Variants in SDF2L1 observed in about 807,000 individuals in gnomAD.
SDF2L1 encodes the protein stromal cell derived factor 2 like 1.
In SDF2L1, 18 loss-of-function variants were observed where a neutral mutation model predicts 19.4. The ratio of observed to expected loss-of-function variants is 0.93; its 90% CI spans 0.64 to 1.38. The LOEUF is 1.38. Among genes scored for constraint, SDF2L1 ranks in the 40% most tolerant of loss-of-function variants. SDF2L1 has a pLI of 0.00. For synonymous variants in SDF2L1, 161 were observed against 148.9 expected, an observed-to-expected ratio of 1.08 and a Z score of -0.59; for missense variants, 263 against 319.4, an observed-to-expected ratio of 0.82 and a Z score of 1.35.
chr22:21,642,560 C>G (rs1397176352), intron 1 of SDF2L1, 37 bp downstream of exon 1: 4 of 1,503,902 alleles, frequency 2.7e-6, no homozygotes, highest in Non-Finnish European at 3.5e-6. Flanking sequence ...CGCGGGGAAC[C>G]GGGGCTCGGG....
intron 2 of SDF2L1, 126 bp downstream of exon 2, chr22:21,643,184 C>T: frequency 1.7e-6 from 2 of 1,201,202 alleles, no homozygotes; most frequent in Non-Finnish European, 2.3e-6. Flanking sequence ...GAGATGGTTA[C>T]TGAGCGCCCC....
chr22:21,643,974 G>A lies in SDF2L1; in HGVS notation c.465G>A (p.Glu155=), dbSNP rs531855558. Residue 155 remains glutamate (E), a synonymous_variant, in exon 3 of 3, where the codon GAG becomes GAA. Transcript: ENST00000248958. ...TGCGCTGCTCTGGACAGCACTGGGA[G>A]CGTGAGGCTGCTGTGCGCTTCCAGC... ...WTVRCSGQHW[E]REAAVRFQHV... 8 of 1,614,076 alleles carry A rather than the reference G, an allele frequency of 5.0e-6. No individual in the cohort carries two copies. The highest frequency in any genetic ancestry group is 6.8e-6 in the Non-Finnish European group (8 of 1,180,038).
At chr22:21,642,787 G>A (rs1263100338) in intron 1 of SDF2L1, 75 bp from the exon 2 acceptor site, 4 of 1,513,928 alleles carry the variant, frequency 2.6e-6, no homozygotes, top group Middle Eastern at 2.4e-4. Context: ...CCTGGGACAT[G>A]TTCTGGTCCC....
chr22:21,643,647 G>A (rs555913650), intron 2 of SDF2L1, among the ~76,000 whole-genome samples: 151 of 152,284 alleles, frequency 9.9e-4, no homozygotes, highest in Middle Eastern at 6.8e-3. Context: ...ATGTGGAGGA[G>A]GAGGCCTTAG....
intron 2 of SDF2L1, chr22:21,643,359 AT>A (rs1569001698): frequency 1.8e-6 from 1 of 542,586 alleles, no homozygotes; most frequent in Non-Finnish European, 3.3e-6. Context: ...AGGGTGGGGA[AT>A]AGGAAACTCC....
chr22:21,642,831 G>A (rs1225215930), intron 1 of SDF2L1, 31 bp from the exon 2 acceptor site: 2 of 1,571,748 alleles, frequency 1.3e-6, no homozygotes, highest in Non-Finnish European at 1.7e-6. Flanking sequence ...GATTGACGGA[G>A]ACCCTGGGTG....
At chr22:21,643,873 T>C in intron 2 of SDF2L1, 21 bp from the exon 3 acceptor site, 1 of 1,603,100 alleles carries the variant, frequency 6.2e-7, no homozygotes, top group Non-Finnish European at 8.5e-7. Flanking sequence ...ACCACTGTCT[T>C]CTCATCCTTT....
At chr22:21,642,649 T>A in intron 1 of SDF2L1, 126 bp downstream of exon 1, 1 of 1,022,398 alleles carries the variant, frequency 9.8e-7, no homozygotes, top group Non-Finnish European at 1.3e-6. Flanking sequence ...CTAGAGTCGT[T>A]GGGAGGTCGA....
intron 1 of SDF2L1, 77 bp from the exon 2 acceptor site, chr22:21,642,785 A>C (rs1481369729): frequency 1.0e-5 from 15 of 1,480,738 alleles, no homozygotes; most frequent in Admixed American, 2.1e-5. Flanking sequence ...CCCCTGGGAC[A>C]TGTTCTGGTC....
In SDF2L1 at chr22:21,643,047, T is replaced by G; in HGVS notation, c.373T>G (p.Ser125Ala). The G allele has an allele frequency of 6.4e-7, 1 of 1,555,132 alleles. No homozygotes were observed. Among genetic ancestry groups the G allele is most frequent in the Non-Finnish European group, 8.7e-7 (1 of 1,150,018 alleles). Residue 125 changes from serine to alanine, a missense_variant, in exon 2 of 3, where the codon TCC becomes GCC. Coordinates refer to ENST00000248958, the MANE Select transcript of SDF2L1 (RefSeq NM_022044.3). ...CACGCACCACTTCCCGTCGCCGCTGTCCAACAACCAGGTGAGCCCCTCCCG... is the reference window on the plus strand; with the variant it reads ...CACGCACCACTTCCCGTCGCCGCTGGCCAACAACCAGGTGAGCCCCTCCCG... ...LHTHHFPSPL[S>A]NNQEVSAFGE...
chr22:21,643,584 T>C (rs1217109693), intron 2 of SDF2L1, among the ~76,000 whole-genome samples: 1 of 152,130 alleles, frequency 6.6e-6, no homozygotes, highest in Non-Finnish European at 1.5e-5. Flanking sequence ...ACTGTTAGCC[T>C]GAGGGGCTGA....
rs1015360031 is a variant in SDF2L1, at chr22:21,642,343, A to G, written c.7A>G (p.Ser3Gly). 78 of 1,375,172 alleles carry G rather than the reference A, an allele frequency of 5.7e-5. No homozygotes were observed. The highest frequency in any genetic ancestry group is 7.1e-5 in the Non-Finnish European group (76 of 1,072,842). 85.2% of individuals were successfully genotyped at this position (1,375,172 alleles called of 1,614,324 possible). A position where few individuals can be genotyped will look rare whatever the true frequency, so the allele number is the denominator to read the frequency against. The change falls in exon 1 of 3, where the codon AGC (serine) becomes GGC (glycine). Residue 3 changes from serine to glycine, a missense_variant. Physicochemically the swap from Ser to Gly is moderately conservative, Grantham distance 56. This residue lies in a region of SDF2L1 where 56 missense variants were observed against 45.3 expected (regional missense o/e 1.24). Coordinates refer to ENST00000248958, the MANE Select transcript of SDF2L1 (RefSeq NM_022044.3). The part of the protein sequence containing the change: MW[S>G]AGRGGAAWPV... Reference sequence around the variant, plus strand: ...CTGGAGCCGGGCCGGGGCGATGTGGAGCGCGGGCCGCGGCGGGGCTGCCTG... The same window carrying G: ...CTGGAGCCGGGCCGGGGCGATGTGGGGCGCGGGCCGCGGCGGGGCTGCCTG...
chr22:21,642,312 G>A lies in SDF2L1; in HGVS notation c.-25G>A, dbSNP rs904728389. 2 of 1,316,584 alleles carry A rather than the reference G, an allele frequency of 1.5e-6. No individual in the cohort carries two copies. Among genetic ancestry groups the A allele is most frequent in the Non-Finnish European group, 1.9e-6 (2 of 1,039,508 alleles). The allele number at this position is 1,316,584 out of a possible 1,614,324, so 81.6% of individuals were successfully genotyped here. On this transcript the variant is annotated 5_prime_UTR_variant, in exon 1 of 3. Coordinates refer to ENST00000248958, the MANE Select transcript of SDF2L1 (RefSeq NM_022044.3). Reference sequence around the variant, plus strand: ...GGGGACGGAAGCGGCCCCTGGGCCCGAGGGGCTGGAGCCGGGCCGGGGCGA... The same window carrying A: ...GGGGACGGAAGCGGCCCCTGGGCCCAAGGGGCTGGAGCCGGGCCGGGGCGA...
rs1457437250 is a variant in SDF2L1, at chr22:21,642,316, G to T, written c.-21G>T. The T allele has an allele frequency of 7.5e-7, 1 of 1,336,596 alleles. No individual in the cohort carries two copies. The highest frequency in any genetic ancestry group is 2.1e-5 in the South Asian group (1 of 48,378). 82.8% of individuals were successfully genotyped at this position (1,336,596 alleles called of 1,614,324 possible). A position where few individuals can be genotyped will look rare whatever the true frequency, so the allele number is the denominator to read the frequency against. ...ACGGAAGCGGCCCCTGGGCCCGAGG[G>T]GCTGGAGCCGGGCCGGGGCGATGTG... On this transcript the variant is annotated 5_prime_UTR_variant, in exon 1 of 3. Coordinates refer to ENST00000248958, the MANE Select transcript of SDF2L1 (RefSeq NM_022044.3).
At chr22:21,643,795 G>A (rs1444363421) in intron 2 of SDF2L1, 99 bp from the exon 3 acceptor site, 1 of 1,251,794 alleles carries the variant, frequency 8.0e-7, no homozygotes, top group Non-Finnish European at 1.1e-6. Flanking sequence ...TGGGAGCTGA[G>A]GCTCCAGGAA....
At position 21,644,060 on chromosome 22, in the gene SDF2L1, G is replaced by A; in HGVS notation, c.551G>A (p.Gly184Glu). 1 of 1,614,140 alleles carries A rather than the reference G, an allele frequency of 6.2e-7. No homozygotes were observed. The highest frequency in any genetic ancestry group is 1.1e-5 in the South Asian group (1 of 91,084). ...GAGCAGTATGGAAGCCCCATCCGTG[G>A]GCAGCATGAGGTCCACGGCATGCCC... is the stretch of plus-strand genomic sequence containing the variant. Reference protein sequence around the residue: ...TGEQYGSPIRGQHEVHGMPSA... With the variant: ...TGEQYGSPIREQHEVHGMPSA... Residue 184 changes from glycine to glutamate, a missense_variant, in exon 3 of 3, where the codon GGG (glycine) becomes GAG (glutamate). Gly to Glu is a moderately conservative substitution (Grantham distance 98). This residue lies in a region of SDF2L1 where 203 missense variants were observed against 256.9 expected (regional missense o/e 0.79). Transcript: ENST00000248958.
At chr22:21,643,842 C>G (rs774888988) in intron 2 of SDF2L1, 52 bp from the exon 3 acceptor site, 2 of 1,543,574 alleles carry the variant, frequency 1.3e-6, no homozygotes, top group Admixed American at 1.8e-5. Flanking sequence ...GTACTAGGTG[C>G]GAATGCCGCC....
Position 21,644,011 on chromosome 22 carries a change from T to A in SDF2L1, c.502T>A (p.Ser168Thr). 6.2e-7 allele frequency: 1 copy of A among 1,614,154 alleles called. No homozygotes were observed. Among genetic ancestry groups the A allele is most frequent in the Non-Finnish European group, 8.5e-7 (1 of 1,180,002 alleles). The change falls in exon 3 of 3, where the codon TCT becomes ACT. Residue 168 changes from serine (S) to threonine (T), a missense_variant. Coordinates refer to ENST00000248958, the MANE Select transcript of SDF2L1 (RefSeq NM_022044.3). ...TGTGCGCTTCCAGCATGTGGGCACC[T>A]CTGTGTTCCTGTCAGTCACGGGTGA... is the stretch of plus-strand genomic sequence containing the variant. Reference protein sequence around the residue: ...AAVRFQHVGTSVFLSVTGEQY... With the variant: ...AAVRFQHVGTTVFLSVTGEQY...
Position 21,642,413 on chromosome 22 carries a change from G to A in SDF2L1, c.77G>A (p.Gly26Asp), listed in dbSNP as rs1569001332. 6.9e-7 allele frequency: 1 copy of A among 1,457,064 alleles called. No individual in the cohort carries two copies. Among genetic ancestry groups the A allele is most frequent in the Non-Finnish European group, 9.0e-7 (1 of 1,114,586 alleles). 90.3% of individuals were successfully genotyped at this position (1,457,064 alleles called of 1,614,324 possible). The stretch of plus-strand genomic sequence containing the variant: ...CTGCTGGCGCTGTTAGTGCCGGGCG[G>A]TGGTGCCGCCAAGACCGGTGCGGAG... ...GLLLALLVPGGGAAKTGAELV... is the reference protein window; with the variant it reads ...GLLLALLVPGDGAAKTGAELV... The change falls in exon 1 of 3, where the codon GGT becomes GAT. Residue 26 changes from glycine (G) to aspartate (D), a missense_variant. Around this residue, in one of 3 missense-constraint regions of SDF2L1, gnomAD observed 56 missense variants for 45.3 expected, o/e 1.24. Transcript: ENST00000248958.
Sources: allele counts gnomAD v4.1 joint callset (sites outside exome capture counted in the v4.1 genomes callset), GRCh38; gene constraint gnomAD v4.1.1; regional missense constraint gnomAD v4.1.1; transcripts MANE v1.5; gene names NCBI Gene and HGNC (gene_info 2026-07-23, HGNC 2026-07-21).